EYS: variants seen among roughly 807,000 people sequenced by gnomAD.
EYS encodes protein eyes shut homolog.
In EYS, 250 loss-of-function variants were observed where a neutral mutation model predicts 282.1. The ratio of observed to expected loss-of-function variants is 0.89; its 90% CI spans 0.80 to 0.98. The LOEUF is 0.98. Ranked by LOEUF, EYS falls within the 50% of genes least tolerant of loss-of-function variation. EYS has a pLI of 0.00. For synonymous variants in EYS, 1,355 were observed against 1,282.9 expected, an observed-to-expected ratio of 1.06 and a Z score of -1.20; for missense variants, 4,016 against 3,709.0, an observed-to-expected ratio of 1.08 and a Z score of -2.15.
In EYS at chr6:64,670,560, T is replaced by C. The variant is rs1769419869; in HGVS notation, c.3444-44315A>G. Among the ~76,000 whole-genome samples the C allele has an allele frequency of 3.3e-5, 5 of 152,148 alleles. No homozygotes were observed. The South Asian group carries it at 6.2e-4, about 19-fold the overall frequency. On this transcript the variant is annotated intron_variant, in intron 22 of 42. Coordinates refer to ENST00000503581, the MANE Select transcript of EYS (RefSeq NM_001142800.2). Reference sequence around the variant, plus strand: ...CTTCAGTTGTTTACACTTCAAAACATAGAGTATGAGACATTTTGCATTTCT... The same window carrying C: ...CTTCAGTTGTTTACACTTCAAAACACAGAGTATGAGACATTTTGCATTTCT...
chr6:64,232,515 G>A (rs1399963552), intron 30 of EYS, among the ~76,000 whole-genome samples: 1 of 151,934 alleles, frequency 6.6e-6, no homozygotes, highest in Non-Finnish European at 1.5e-5. Context: ...TCAGCTTCCC[G>A]AGTAGCTGGG....
At chr6:64,540,235 C>A (rs1322676607) in intron 26 of EYS, among the ~76,000 whole-genome samples, 1 of 152,108 alleles carries the variant, frequency 6.6e-6, no homozygotes, top group Admixed American at 6.5e-5. Context: ...GTCTTACATC[C>A]TTTTTTGGCT....
chr6:65,690,686 C>A (rs923707606), intron 1 of EYS, among the ~76,000 whole-genome samples: 6 of 149,848 alleles, frequency 4.0e-5, no homozygotes, highest in African/African-American at 1.5e-4. Flanking sequence ...CTACATCAAC[C>A]CATCATCCAC....
intron 30 of EYS, among the ~76,000 whole-genome samples, chr6:64,253,234 G>A (rs1265254819): frequency 6.6e-6 from 1 of 152,086 alleles, no homozygotes; most frequent in Admixed American, 6.6e-5. Flanking sequence ...AATATTCTGT[G>A]TACTCTGTTG....
At chr6:64,219,721 C>T (rs1027975000) in intron 31 of EYS, among the ~76,000 whole-genome samples, 4 of 152,180 alleles carry the variant, frequency 2.6e-5, no homozygotes, top group Non-Finnish European at 5.9e-5. Flanking sequence ...TGAATGATCG[C>T]CATTGCGCAT....
chr6:65,440,694 T>TA (rs1000689780), intron 5 of EYS, among the ~76,000 whole-genome samples: 50 of 151,356 alleles, frequency 3.3e-4, no homozygotes, highest in Admixed American at 8.6e-4. Context: ...CATATACTTC[T>TA]ACACTGGAAG....
At position 64,516,472 on chromosome 6, in the gene EYS, A is replaced by T. The variant is rs1159948966; in HGVS notation, c.5644+73751T>A. 2.0e-5 allele frequency among the ~76,000 whole-genome samples: 3 copies of T among 151,820 alleles called. No individual in the cohort carries two copies. The Admixed American group carries it at 2.0e-4, about 10-fold the overall frequency. Reference sequence around the variant, plus strand: ...AATAAAAGTTAAATAAATTTTTCAAAATAATATTTTTTTTAAATCACAAAA... The same window carrying T: ...AATAAAAGTTAAATAAATTTTTCAATATAATATTTTTTTTAAATCACAAAA... On this transcript the variant is annotated intron_variant, in intron 26 of 42. Transcript: ENST00000503581.
chr6:63,752,078 T>C (rs954915992), intron 41 of EYS, among the ~76,000 whole-genome samples: 5 of 152,332 alleles, frequency 3.3e-5, no homozygotes, highest in African/African-American at 4.8e-5. Flanking sequence ...GATGCCAAGG[T>C]AAACTTTAAA....
At chr6:64,443,408 G>A (rs1168575663) in intron 26 of EYS, among the ~76,000 whole-genome samples, 2 of 152,144 alleles carry the variant, frequency 1.3e-5, no homozygotes, top group South Asian at 2.1e-4. Flanking sequence ...GTGGACTTTT[G>A]AGTTAATGCT....
intron 2 of EYS, among the ~76,000 whole-genome samples, chr6:65,523,202 C>T (rs1457244348): frequency 6.6e-6 from 1 of 151,714 alleles, no homozygotes; most frequent in Non-Finnish European, 1.5e-5. Flanking sequence ...CTTTAATTAC[C>T]TACATTTTAC....
At chr6:64,415,191 A>C (rs1561982060) in intron 28 of EYS, among the ~76,000 whole-genome samples, 1 of 152,192 alleles carries the variant, frequency 6.6e-6, no homozygotes, top group Non-Finnish European at 1.5e-5. Context: ...CACCTTTAGC[A>C]TCTGGTGGCA....
intron 36 of EYS, among the ~76,000 whole-genome samples, chr6:63,830,858 A>C (rs1771612530): frequency 6.6e-6 from 1 of 152,254 alleles, no homozygotes; most frequent in Non-Finnish European, 1.5e-5. Flanking sequence ...TCAGAGTAAC[A>C]GCGGATTTCT....
Position 64,095,281 on chromosome 6 carries a change from G to T in EYS, c.6425-13279C>A, listed in dbSNP as rs1408623979. ...GATGTCTCTTAGGTCCATTTGGTGC[G>T]GAGTTGAGTTCAATTCCTGGATATC... On this transcript the variant is annotated intron_variant, in intron 31 of 42. Coordinates refer to ENST00000503581, the MANE Select transcript of EYS (RefSeq NM_001142800.2). Among the ~76,000 whole-genome samples, 3 of 152,176 alleles carry T rather than the reference G, an allele frequency of 2.0e-5. No homozygotes were observed. The East Asian group carries it at 5.8e-4, about 29-fold the overall frequency.
intron 13 of EYS, among the ~76,000 whole-genome samples, chr6:65,012,287 A>G (rs1321809562): frequency 1.3e-5 from 2 of 152,214 alleles, no homozygotes; most frequent in Non-Finnish European, 2.9e-5. Context: ...TATAAGCAGC[A>G]CAAACTTTTT....
At chr6:63,948,244 G>A (rs1050600740) in intron 35 of EYS, among the ~76,000 whole-genome samples, 2 of 152,178 alleles carry the variant, frequency 1.3e-5, no homozygotes, top group African/African-American at 4.8e-5. Context: ...TGTAGAAGCT[G>A]CCATTGTGTG....
chr6:65,383,188 T>A (rs13194092), intron 8 of EYS, among the ~76,000 whole-genome samples: 62,804 of 151,880 alleles, frequency 0.41, 13,988 homozygotes, highest in South Asian at 0.51. Context: ...AATTTTTCTA[T>A]TTCATAAATA....
chr6:65,653,298 A>G (rs566057443), intron 1 of EYS, among the ~76,000 whole-genome samples: 1 of 152,052 alleles, frequency 6.6e-6, no homozygotes, highest in South Asian at 2.1e-4. Context: ...TCATTGGTCA[A>G]ACACACCCAG....
At chr6:64,717,986 T>G (rs994795358) in intron 22 of EYS, among the ~76,000 whole-genome samples, 3 of 152,214 alleles carry the variant, frequency 2.0e-5, no homozygotes, top group African/African-American at 7.2e-5. Flanking sequence ...TATGTTTGTG[T>G]GTGTAAAATA....
At chr6:64,446,049 T>G (rs1304210005) in intron 26 of EYS, among the ~76,000 whole-genome samples, 1 of 152,226 alleles carries the variant, frequency 6.6e-6, no homozygotes, top group Non-Finnish European at 1.5e-5. Context: ...AACTTTCATC[T>G]TCAACTTCCT....
Sources: gnomAD v4.1 joint callset for allele counts (sites outside exome capture counted in the v4.1 genomes callset) on GRCh38, gnomAD v4.1.1 for gene constraint, MANE v1.5 for transcripts, NCBI Gene and HGNC (gene_info 2026-07-23, HGNC 2026-07-21) for gene names.